The following MBNL2 variants were observed in gnomAD, a reference collection of about 807,000 sequenced individuals.
The protein encoded by MBNL2 is muscleblind like splicing regulator 2.
Under a neutral mutation model 41.9 loss-of-function variants are expected in MBNL2, and 17 were observed. That is an observed-to-expected ratio of 0.41 (90% CI 0.28 to 0.61). The LOEUF is 0.61. Ranked by LOEUF, MBNL2 falls within the 20% of genes least tolerant of loss-of-function variation. The pLI, the probability that MBNL2 is intolerant of heterozygous loss-of-function variation, is 0.35. For missense variants in MBNL2, 336 were observed against 505.6 expected, an observed-to-expected ratio of 0.66 and a Z score of 3.22; for synonymous variants, 195 against 182.9, an observed-to-expected ratio of 1.07 and a Z score of -0.53.
chr13:97,272,302 G>GT (rs1158795101), intron 1 of MBNL2, among the ~76,000 whole-genome samples: 1 of 151,966 alleles, frequency 6.6e-6, no homozygotes, highest in African/African-American at 2.4e-5. Flanking sequence ...GGGATTGTTT[G>GT]TTTTTTTCTT....
At chr13:97,155,381 CT>C in the MBNL2 span, among the ~76,000 whole-genome samples, 6,167 of 139,818 alleles carry the variant, frequency 0.044, 260 homozygotes, top group African/African-American at 0.12. Flanking sequence ...AAGTAATTTT[CT>C]TTTTTTTTTT....
the MBNL2 span, among the ~76,000 whole-genome samples, chr13:97,159,224 C>CA: frequency 4.0e-5 from 6 of 151,122 alleles, no homozygotes; most frequent in Admixed American, 1.3e-4. Flanking sequence ...GCAACCCCTG[C>CA]GTTTTTTTGT....
At chr13:97,177,378 A>T in the MBNL2 span, among the ~76,000 whole-genome samples, 1 of 152,190 alleles carries the variant, frequency 6.6e-6, no homozygotes, top group Non-Finnish European at 1.5e-5. Flanking sequence ...TTTTGCAGCC[A>T]TGAAAGAACA....
chr13:97,290,419 G>A (rs1460889972), intron 2 of MBNL2, among the ~76,000 whole-genome samples: 1 of 151,876 alleles, frequency 6.6e-6, no homozygotes, highest in East Asian at 1.9e-4. Context: ...GCTCACGCCT[G>A]TAATCCCAGC....
At chr13:97,314,910 A>G (rs891602694) in intron 2 of MBNL2, among the ~76,000 whole-genome samples, 2 of 152,184 alleles carry the variant, frequency 1.3e-5, no homozygotes, top group African/African-American at 4.8e-5. Flanking sequence ...AGCTCACTCA[A>G]TATGTAAAAT....
At chr13:97,294,222 C>A (rs1462228651) in intron 2 of MBNL2, among the ~76,000 whole-genome samples, 1 of 151,636 alleles carries the variant, frequency 6.6e-6, no homozygotes, top group Admixed American at 6.6e-5. Flanking sequence ...TTTCTTTTTT[C>A]TCCTACTGTT....
intron 3 of MBNL2, 83 bp from the exon 4 acceptor site, chr13:97,342,932 AT>A (rs1462718622): frequency 1.3e-6 from 1 of 786,098 alleles, no homozygotes; most frequent in East Asian, 2.6e-5. Context: ...TGATGAATAC[AT>A]TTTGCTCAAA....
chr13:97,232,848 G>A (rs1171353485), intron 1 of MBNL2, among the ~76,000 whole-genome samples: 2 of 105,086 alleles, frequency 1.9e-5, no homozygotes, highest in African/African-American at 1.0e-4. Flanking sequence ...TACTCTTGAC[G>A]CTATGTGTGT....
chr13:97,266,727 ATATTT>A (rs1269765055), intron 1 of MBNL2, among the ~76,000 whole-genome samples: 1 of 152,078 alleles, frequency 6.6e-6, no homozygotes, highest in African/African-American at 2.4e-5. Context: ...TTAAAAATAT[ATATTT>A]TAAGAATTTA....
intron 2 of MBNL2, among the ~76,000 whole-genome samples, chr13:97,292,200 CAAAAAAAAAAAA>C (rs34473435): frequency 4.3e-5 from 3 of 69,504 alleles, no homozygotes; most frequent in East Asian, 4.6e-4. Flanking sequence ...GACTCCATCT[CAAAAAAAAAAAA>C]AAAAAAAAAA....
intron 1 of MBNL2, among the ~76,000 whole-genome samples, chr13:97,233,567 C>G (rs192620939): frequency 2.0e-5 from 3 of 152,040 alleles, no homozygotes; most frequent in African/African-American, 7.2e-5. Flanking sequence ...TTTATTTTCC[C>G]CTTTAGGAAA....
At chr13:97,297,209 T>C (rs889346244) in intron 2 of MBNL2, among the ~76,000 whole-genome samples, 3 of 152,216 alleles carry the variant, frequency 2.0e-5, no homozygotes, top group African/African-American at 7.2e-5. Flanking sequence ...TGGGCATTTA[T>C]TGAGGGCCTA....
chr13:97,172,585 C>T, the MBNL2 span: 1 of 152,160 alleles, frequency 6.6e-6, no homozygotes, highest in African/African-American at 2.4e-5. Context: ...ATCAAGGAAG[C>T]TTACATATAT....
chr13:97,217,216 G>A (rs1279790870), upstream of MBNL2, among the ~76,000 whole-genome samples: 1 of 151,476 alleles, frequency 6.6e-6, no homozygotes, highest in African/African-American at 2.4e-5. Flanking sequence ...CTTAAGCCCT[G>A]TAACTGTCTT....
chr13:97,188,688 T>C, the MBNL2 span, among the ~76,000 whole-genome samples: 1 of 151,616 alleles, frequency 6.6e-6, no homozygotes, highest in African/African-American at 2.4e-5. Flanking sequence ...GTTTGAAAGC[T>C]TATTTTTCAC....
chr13:97,365,364 C>T (rs1405679620), intron 8 of MBNL2, among the ~76,000 whole-genome samples, 193 bp downstream of exon 8: 2 of 152,164 alleles, frequency 1.3e-5, no homozygotes, highest in Non-Finnish European at 2.9e-5. Context: ...AATGTGACCT[C>T]TTGTGCTAGA....
chr13:97,200,777 T>C, the MBNL2 span, among the ~76,000 whole-genome samples: 1 of 152,152 alleles, frequency 6.6e-6, no homozygotes, highest in South Asian at 2.1e-4. Context: ...CTTATTGCAT[T>C]GTCGTGGGCT....
At chr13:97,162,480 C>T in the MBNL2 span, among the ~76,000 whole-genome samples, 1 of 152,168 alleles carries the variant, frequency 6.6e-6, no homozygotes, top group Non-Finnish European at 1.5e-5. Context: ...CTATTTCACA[C>T]CTGTTACTTT....
chr13:97,271,258 G>T (rs2050931431), intron 1 of MBNL2, among the ~76,000 whole-genome samples: 1 of 151,602 alleles, frequency 6.6e-6, no homozygotes, highest in Admixed American at 6.6e-5. Context: ...TGGGATTACA[G>T]GCGTGTGCCA....
Sources: allele counts gnomAD v4.1 joint callset (sites outside exome capture counted in the v4.1 genomes callset), GRCh38; gene constraint gnomAD v4.1.1; transcripts MANE v1.5; gene names NCBI Gene and HGNC (gene_info 2026-07-23, HGNC 2026-07-21).